The following SFSWAP variants were observed in gnomAD, a reference collection of about 807,000 sequenced individuals.
SFSWAP encodes splicing factor, suppressor of white-apricot homolog.
SFSWAP carries 17 observed loss-of-function variants against 100.7 expected under a neutral mutation model. The observed-to-expected ratio is 0.17, with a 90% CI of 0.12 to 0.25. The LOEUF (loss-of-function observed/expected upper bound fraction) is 0.25. Among genes scored for constraint, SFSWAP ranks in the 10% least tolerant of loss-of-function variants. The pLI, the probability that SFSWAP is intolerant of heterozygous loss-of-function variation, is 1.00. For missense variants in SFSWAP, 1,005 were observed against 1,262.6 expected (o/e 0.80, Z 3.09); for synonymous variants, 504 against 510.1 (o/e 0.99, Z 0.16).
At chr12:131,717,155 G>A (rs575708372) in intron 3 of SFSWAP, among the ~76,000 whole-genome samples, 1 of 152,108 alleles carries the variant, frequency 6.6e-6, no homozygotes, top group East Asian at 1.9e-4. Flanking sequence ...ACCACTAACA[G>A]CCCCATTGAG....
chr12:131,791,872 G>A (rs1885252176), intron 15 of SFSWAP, among the ~76,000 whole-genome samples: 1 of 152,286 alleles, frequency 6.6e-6, no homozygotes, highest in Admixed American at 6.5e-5. Flanking sequence ...GTTTGGGGGA[G>A]GGGGTGTGCA....
At chr12:131,798,980 C>T (rs907268128) in intron 16 of SFSWAP, 57 bp from the exon 17 acceptor site, 8 of 1,334,178 alleles carry the variant, frequency 6.0e-6, no homozygotes, top group Non-Finnish European at 8.6e-6. Flanking sequence ...TGTTCACTGG[C>T]CTTGGCTCAG....
intron 7 of SFSWAP, among the ~76,000 whole-genome samples, chr12:131,752,683 A>G (rs963890859): frequency 6.6e-6 from 1 of 152,226 alleles, no homozygotes; most frequent in Non-Finnish European, 1.5e-5. Context: ...GGGGAATGAA[A>G]GCAGGTGTCA....
At position 131,778,053 on chromosome 12, in the gene SFSWAP, T is replaced by G; in HGVS notation, c.2143-12T>G. 1 of 1,591,336 alleles carries G rather than the reference T, an allele frequency of 6.3e-7. No homozygotes were observed. The highest frequency in any genetic ancestry group is 8.5e-7 in the Non-Finnish European group (1 of 1,173,126). On this transcript the variant is annotated splice_polypyrimidine_tract_variant and intron_variant, in intron 13 of 17. Transcript: ENST00000261674. The surrounding 1 kb of genome is among the most constrained non-coding windows in gnomAD (Gnocchi z 4.2). ...TTCCCTGTTAACACCCAGATTTTCC[T>G]TTTATTCTTAGGAATCCAGCACTAC...
intron 14 of SFSWAP, chr12:131,784,989 AAGC>A: frequency 8.8e-7 from 1 of 1,141,228 alleles, no homozygotes; most frequent in Non-Finnish European, 1.2e-6. Context: ...AGCTTTGAAT[AAGC>A]AGAGCTTTTT....
At chr12:131,726,520 A>G (rs1228746754) in intron 5 of SFSWAP, among the ~76,000 whole-genome samples, 1 of 152,174 alleles carries the variant, frequency 6.6e-6, no homozygotes, top group Non-Finnish European at 1.5e-5. Flanking sequence ...CTTCCACTGA[A>G]TTCTGTTCTC....
At chr12:131,743,803 C>A (rs1257847575) in intron 7 of SFSWAP, among the ~76,000 whole-genome samples, 2 of 152,246 alleles carry the variant, frequency 1.3e-5, no homozygotes, top group African/African-American at 2.4e-5. Flanking sequence ...GGGCCCTGCC[C>A]CTGCCACAAA....
intron 11 of SFSWAP, among the ~76,000 whole-genome samples, chr12:131,760,880 T>C (rs1372451709): frequency 1.3e-5 from 2 of 152,150 alleles, no homozygotes; most frequent in African/African-American, 4.8e-5. Context: ...GAGACCAGCC[T>C]GGTCAACATG....
chr12:131,768,656 C>T (rs1237987590), intron 13 of SFSWAP, among the ~76,000 whole-genome samples: 1 of 152,194 alleles, frequency 6.6e-6, no homozygotes. Flanking sequence ...TCCTCTGAGC[C>T]ATTTGACATG....
chr12:131,759,963 C>T (rs1040259347), intron 11 of SFSWAP, among the ~76,000 whole-genome samples: 35 of 152,150 alleles, frequency 2.3e-4, no homozygotes, highest in Non-Finnish European at 2.9e-5. Context: ...AACATTCTCT[C>T]AGATGTTGAT....
chr12:131,753,039 G>A (rs942722277), intron 7 of SFSWAP, 84 bp from the exon 8 acceptor site: 22 of 1,567,278 alleles, frequency 1.4e-5, no homozygotes, highest in Non-Finnish European at 1.7e-5. Context: ...TCTTGCCGGG[G>A]GAAGGGCTCT....
intron 7 of SFSWAP, among the ~76,000 whole-genome samples, chr12:131,743,051 C>T (rs572258427): frequency 2.2e-4 from 33 of 152,150 alleles, no homozygotes; most frequent in Non-Finnish European, 2.5e-4. Context: ...GGGAAAGACC[C>T]GCCCCCATAA....
chr12:131,762,596 T>G (rs905757941), intron 11 of SFSWAP, among the ~76,000 whole-genome samples: 2 of 152,100 alleles, frequency 1.3e-5, no homozygotes, highest in African/African-American at 2.4e-5. Context: ...TTTGTTTTGT[T>G]TTTTGTTTTT....
In SFSWAP at chr12:131,733,196, G is replaced by C. The variant is rs886434595; in HGVS notation, c.1081+4768G>C. Among the ~76,000 whole-genome samples the C allele has an allele frequency of 6.6e-6, 1 of 152,158 alleles. No homozygotes were observed. Among genetic ancestry groups the C allele is most frequent in the South Asian group, 2.1e-4 (1 of 4,826 alleles). ...TGTATGAGAGCGGGCGGGGGATGGC[G>C]CGGTCTCCCTGGTACTTACTGGGCA... On this transcript the variant is annotated intron_variant, in intron 7 of 17. Transcript: ENST00000261674. The surrounding 1 kb of genome is among the most constrained non-coding windows in gnomAD (Gnocchi z 5.1).
chr12:131,728,271 G>A, intron 6 of SFSWAP, 22 bp from the exon 7 acceptor site: 1 of 1,613,956 alleles, frequency 6.2e-7, no homozygotes, highest in Non-Finnish European at 8.5e-7. Context: ...GAATGCTAAG[G>A]CTGTGTCTTC....
In SFSWAP at chr12:131,755,375, T is replaced by A. The variant is rs1212644959; in HGVS notation, c.1455-11T>A. ...TGGTAAATGACCCATTTTCTTTCTT[T>A]TTCTGCTCAGATTTGAGTTCCTGCA... On this transcript the variant is annotated splice_polypyrimidine_tract_variant and intron_variant, in intron 9 of 17. Transcript: ENST00000261674. The A allele has an allele frequency of 1.2e-5, 20 of 1,608,388 alleles. No individual in the cohort carries two copies. The highest frequency in any genetic ancestry group is 1.5e-5 in the Non-Finnish European group (18 of 1,175,274).
Position 131,728,386 on chromosome 12 carries a change from G to C in SFSWAP, c.1039G>C (p.Gly347Arg). 1 of 1,614,234 alleles carries C rather than the reference G, an allele frequency of 6.2e-7. No homozygotes were observed. The highest frequency in any genetic ancestry group is 8.5e-7 in the Non-Finnish European group (1 of 1,180,038). Reference sequence around the variant, plus strand: ...CACTCCCACCCCACACAACGCAGACGGTGCGCCTGTGCAGCCCTCCCAGGT... The same window carrying C: ...CACTCCCACCCCACACAACGCAGACCGTGCGCCTGTGCAGCCCTCCCAGGT... Reference protein sequence around the residue: ...SSTPTPHNADGAPVQPSQVEY... With the variant: ...SSTPTPHNADRAPVQPSQVEY... Residue 347 changes from glycine (G) to arginine (R), a missense_variant, in exon 7 of 18, where the codon GGT (glycine) becomes CGT (arginine). By Grantham distance (125) the Gly-to-Arg change is moderately radical. Around this residue, in one of 7 missense-constraint regions of SFSWAP, gnomAD observed 311 missense variants for 317.8 expected, o/e 0.98. Coordinates refer to ENST00000261674, the MANE Select transcript of SFSWAP (RefSeq NM_004592.4).
intron 11 of SFSWAP, among the ~76,000 whole-genome samples, chr12:131,763,281 G>A (rs1159596516): frequency 6.6e-6 from 1 of 152,192 alleles, no homozygotes; most frequent in Non-Finnish European, 1.5e-5. Flanking sequence ...TCCAGAAGCG[G>A]CCTTGTTTAC....
chr12:131,753,246 T>A lies in SFSWAP; in HGVS notation c.1205T>A (p.Val402Glu), dbSNP rs375043590. 36 of 1,614,038 alleles carry A rather than the reference T, an allele frequency of 2.2e-5. No homozygotes were observed. In the African/African-American group the frequency reaches 3.7e-4, roughly 17 times the overall value. Residue 402 changes from valine to glutamate, a missense_variant, in exon 8 of 18, where the codon GTG becomes GAG. Physicochemically the swap from Val to Glu is moderately radical, Grantham distance 121. This residue lies in a region of SFSWAP where 311 missense variants were observed against 317.8 expected (regional missense o/e 0.98). Transcript: ENST00000261674. ...AGCACCCTTCCTGCTGGCGTGACCG[T>A]GTCTAACTCCCCTGGAGTGACGACC... ...YYSTLPAGVT[V>E]SNSPGVTTTA... is the part of the protein sequence containing the mutation.
Sources: gnomAD v4.1 joint callset for allele counts (sites outside exome capture counted in the v4.1 genomes callset) on GRCh38, gnomAD v4.1.1 for gene constraint, gnomAD v4.1.1 regional missense constraint, Gnocchi (gnomAD v3.1) non-coding constraint, MANE v1.5 for transcripts, NCBI Gene and HGNC (gene_info 2026-07-23, HGNC 2026-07-21) for gene names.